Variants in ATAD1 observed in about 807,000 individuals in gnomAD.
ATAD1 encodes outer mitochondrial transmembrane helix translocase.
In ATAD1, 18 loss-of-function variants were observed where a neutral mutation model predicts 42.7. The observed-to-expected ratio is 0.42, with a 90% CI of 0.29 to 0.63. ATAD1 has a LOEUF of 0.63. ATAD1 is among the 20% of genes least tolerant of loss of function. The pLI, the probability that ATAD1 is intolerant of heterozygous loss-of-function variation, is 0.19. For synonymous variants in ATAD1, 132 were observed against 143.1 expected, an observed-to-expected ratio of 0.92 and a Z score of 0.55; for missense variants, 294 against 440.4, an observed-to-expected ratio of 0.67 and a Z score of 2.98.
intron 2 of ATAD1, among the ~76,000 whole-genome samples, chr10:87,808,293 AAAGTAAACAAAG>A (rs1485178244): frequency 9.9e-5 from 15 of 151,718 alleles, no homozygotes; most frequent in African/African-American, 2.9e-4. Flanking sequence ...AACAGAAGTA[AAAGTAAACAAAG>A]AAGTAAACAA....
At chr10:87,820,386 T>C (rs1857609804), upstream of ATAD1, among the ~76,000 whole-genome samples, 1 of 152,208 alleles carries the variant, frequency 6.6e-6, no homozygotes, top group Non-Finnish European at 1.5e-5. Context: ...GAGCCTCACC[T>C]GCCCTCTTCT....
upstream of ATAD1, among the ~76,000 whole-genome samples, chr10:87,823,160 T>C (rs1279010653): frequency 6.6e-6 from 1 of 151,954 alleles, no homozygotes; most frequent in East Asian, 1.9e-4. Context: ...CATGGTTTTA[T>C]GTTTTTAAAC....
intron 4 of ATAD1, among the ~76,000 whole-genome samples, chr10:87,786,949 C>T (rs1026631350): frequency 2.0e-5 from 3 of 150,490 alleles, no homozygotes; most frequent in Admixed American, 6.6e-5. Flanking sequence ...GGCGAGACTC[C>T]GTCTCAAAAA....
In ATAD1 at chr10:87,756,894, A is replaced by G. The variant is rs117456145; in HGVS notation, c.860T>C (p.Val287Ala). The G allele has an allele frequency of 3.5e-4, 561 of 1,611,486 alleles. No homozygotes were observed. The highest frequency in any genetic ancestry group is 4.1e-4 in the South Asian group (37 of 90,422). The change falls in exon 9 of 10, where the codon GTT (valine) becomes GCT (alanine). Residue 287 changes from valine (V) to alanine (A), a missense_variant. Val to Ala is a moderately conservative substitution (Grantham distance 64, BLOSUM62 0). Around this residue, in one of 3 missense-constraint regions of ATAD1, gnomAD observed 142 missense variants for 174.6 expected, o/e 0.81. Transcript: ENST00000680024. Reference sequence around the variant, plus strand: ...TGAAAACCCATCAGTTTCCTGGGCAACTTCTAGCAGGTCTACATGCCTATC... The same window carrying G: ...TGAAAACCCATCAGTTTCCTGGGCAGCTTCTAGCAGGTCTACATGCCTATC... ...NVDRHVDLLE[V>A]AQETDGFSGS...
chr10:87,822,592 C>T (rs116196298), upstream of ATAD1, among the ~76,000 whole-genome samples: 201 of 152,076 alleles, frequency 1.3e-3, no homozygotes, highest in African/African-American at 4.6e-3. Flanking sequence ...AACAGTTGAA[C>T]TCATGGAGAT....
intron 8 of ATAD1, 59 bp downstream of exon 8, chr10:87,767,614 A>G (rs1854821147): frequency 2.1e-6 from 3 of 1,460,544 alleles, no homozygotes; most frequent in Non-Finnish European, 2.8e-6. Flanking sequence ...TTTTCTCTAA[A>G]ATAACTTTAT....
chr10:87,754,443 C>T lies in ATAD1; in HGVS notation c.*244G>A, dbSNP rs888396202. 3.6e-5 allele frequency: 11 copies of T among 304,074 alleles called. No individual in the cohort carries two copies. Among genetic ancestry groups the T allele is most frequent in the African/African-American group, 2.1e-4 (10 of 47,210 alleles). 18.8% of individuals were successfully genotyped at this position (304,074 alleles called of 1,614,324 possible). A position where few individuals can be genotyped will look rare whatever the true frequency, so the allele number is the denominator to read the frequency against. ...TTCTATAAGGCTGTACAATATATGG[C>T]TGAAAAGGTCAAACACAAGCACCCA... is the stretch of plus-strand genomic sequence containing the variant. On this transcript the variant is annotated 3_prime_UTR_variant, in exon 10 of 10. Transcript: ENST00000680024.
chr10:87,806,940 CCA>C (rs1419836310), intron 2 of ATAD1, among the ~76,000 whole-genome samples: 1 of 152,104 alleles, frequency 6.6e-6, no homozygotes, highest in Non-Finnish European at 1.5e-5. Flanking sequence ...CATTAGTTTC[CCA>C]CAGTTTGCTG....
intron 1 of ATAD1, among the ~76,000 whole-genome samples, chr10:87,833,960 C>T (rs1857884825): frequency 6.6e-6 from 1 of 152,102 alleles, no homozygotes; most frequent in African/African-American, 2.4e-5. Flanking sequence ...AGGTGATCTG[C>T]CTGCCTTAGC....
At chr10:87,799,155 A>C (rs1227920604) in intron 2 of ATAD1, among the ~76,000 whole-genome samples, 1 of 152,232 alleles carries the variant, frequency 6.6e-6, no homozygotes, top group African/African-American at 2.4e-5. Context: ...ATAATATTAG[A>C]AATATCTTAA....
At chr10:87,797,347 C>T (rs1856442390) in intron 2 of ATAD1, among the ~76,000 whole-genome samples, 1 of 152,050 alleles carries the variant, frequency 6.6e-6, no homozygotes, top group Admixed American at 6.5e-5. Flanking sequence ...AAACAAAAAT[C>T]CATGCGCTTG....
intron 6 of ATAD1, among the ~76,000 whole-genome samples, chr10:87,775,757 C>A (rs1855276346): frequency 6.6e-6 from 1 of 152,144 alleles, no homozygotes; most frequent in Non-Finnish European, 1.5e-5. Context: ...TATGGTTTCA[C>A]AGCCATACAG....
chr10:87,804,361 A>G (rs1328295425), intron 2 of ATAD1, among the ~76,000 whole-genome samples: 1 of 152,106 alleles, frequency 6.6e-6, no homozygotes, highest in East Asian at 1.9e-4. Context: ...TTTCAAGAAA[A>G]TTATATAGTC....
At chr10:87,831,989 G>T (rs1379090598) in intron 1 of ATAD1, 2 of 150,876 alleles carry the variant, frequency 1.3e-5, no homozygotes, top group African/African-American at 4.9e-5. Context: ...AGCCAGGATT[G>T]TACCTGGGCT....
chr10:87,836,945 A>G (rs548000217), intron 1 of ATAD1, among the ~76,000 whole-genome samples: 1 of 151,972 alleles, frequency 6.6e-6, no homozygotes, highest in African/African-American at 2.4e-5. Context: ...TTCCTCTCTC[A>G]TCTCCATTCT....
intron 1 of ATAD1, among the ~76,000 whole-genome samples, chr10:87,834,462 C>G (rs1167531877): frequency 6.6e-6 from 1 of 152,096 alleles, no homozygotes; most frequent in African/African-American, 2.4e-5. Flanking sequence ...AATTTCTTTA[C>G]AGGTATAGGA....
Position 87,752,525 on chromosome 10 carries a change from G to A in ATAD1, c.*2162C>T, listed in dbSNP as rs898680338. On this transcript the variant is annotated 3_prime_UTR_variant, in exon 10 of 10. Transcript: ENST00000680024. ...GCCACTGTTGCCCCATTTTACAGAT[G>A]AGAAACTGGGCTCACAGACACACAG... 4 of 148,242 alleles carry A rather than the reference G, an allele frequency of 2.7e-5. No individual in the cohort carries two copies. Among genetic ancestry groups the A allele is most frequent in the Admixed American group, 2.0e-4 (3 of 14,734 alleles). 9.2% of individuals were successfully genotyped at this position (148,242 alleles called of 1,614,324 possible). A position where few individuals can be genotyped will look rare whatever the true frequency, so the allele number is the denominator to read the frequency against.
At chr10:87,831,484 A>G (rs749123611) in intron 1 of ATAD1, among the ~76,000 whole-genome samples, 1 of 152,098 alleles carries the variant, frequency 6.6e-6, no homozygotes, top group East Asian at 1.9e-4. Flanking sequence ...TGTAGATACT[A>G]TAGATTTCTC....
intron 5 of ATAD1, among the ~76,000 whole-genome samples, chr10:87,781,846 T>C (rs903405072): frequency 6.6e-6 from 1 of 152,064 alleles, no homozygotes; most frequent in East Asian, 1.9e-4. Context: ...GGGTCTTACA[T>C]GTTGTCCAGG....
Sources: allele counts gnomAD v4.1 joint callset (sites outside exome capture counted in the v4.1 genomes callset), GRCh38; gene constraint gnomAD v4.1.1; regional missense constraint gnomAD v4.1.1; transcripts MANE v1.5; gene names NCBI Gene and HGNC (gene_info 2026-07-23, HGNC 2026-07-21).